Variants in DNAH8 observed in about 807,000 individuals in gnomAD.
DNAH8 encodes the protein axonemal beta dynein heavy chain 8.
In DNAH8, 382 loss-of-function variants were observed where a neutral mutation model predicts 562.1. The ratio of observed to expected loss-of-function variants is 0.68; its 90% confidence interval spans 0.63 to 0.74. The LOEUF (loss-of-function observed/expected upper bound fraction) is 0.74. Ranked by LOEUF, DNAH8 falls within the 30% of genes least tolerant of loss-of-function variation. DNAH8 has a pLI of 0.00. For missense variants in DNAH8, 5,203 were observed against 5,620.4 expected (o/e 0.93, Z 2.37); for synonymous variants, 1,881 against 1,919.4 (o/e 0.98, Z 0.52).
chr6:38,747,589 G>C (rs1245044368), intron 8 of DNAH8, among the ~76,000 whole-genome samples: 1 of 152,048 alleles, frequency 6.6e-6, no homozygotes, highest in Admixed American at 6.5e-5. Context: ...GTTTCACTAT[G>C]TTGGCCAAGC....
At chr6:38,997,781 A>G (rs565323203) in intron 88 of DNAH8, among the ~76,000 whole-genome samples, 3 of 152,112 alleles carry the variant, frequency 2.0e-5, no homozygotes, top group South Asian at 4.2e-4. Context: ...TTGTTTTGAG[A>G]TAGTCTTACC....
At position 38,715,424 on chromosome 6, in the gene DNAH8, T is replaced by C. The variant is rs1762193877; in HGVS notation, c.-35+9T>C. On this transcript the variant is annotated intron_variant, in intron 1 of 92. Coordinates refer to ENST00000327475, the MANE Select transcript of DNAH8 (RefSeq NM_001206927.2). ...GGCCCAGAGAGCGGCTGGTGAGTAC[T>C]TGGTCGGAGCGCGCTGTGAGCGCCC... 1 of 152,372 alleles carries C rather than the reference T, an allele frequency of 6.6e-6. No individual in the cohort carries two copies. The highest frequency in any genetic ancestry group is 1.5e-5 in the Non-Finnish European group (1 of 68,156). The allele number at this position is 152,372 out of a possible 1,614,324, so 9.4% of individuals were successfully genotyped here.
intron 53 of DNAH8, 98 bp from the exon 54 acceptor site, chr6:38,882,812 G>A (rs1047620259): frequency 4.0e-6 from 3 of 752,148 alleles, no homozygotes; most frequent in South Asian, 3.6e-5. Context: ...ATGTTTATAC[G>A]ATTCTATTGA....
At chr6:39,020,004 G>A (rs936877643) in intron 91 of DNAH8, among the ~76,000 whole-genome samples, 8 of 152,110 alleles carry the variant, frequency 5.3e-5, no homozygotes, top group African/African-American at 1.7e-4. Flanking sequence ...TCAACAGAGG[G>A]AACATTGGAA....
intron 11 of DNAH8, among the ~76,000 whole-genome samples, chr6:38,769,979 G>T (rs1346568127): frequency 6.6e-6 from 1 of 152,076 alleles, no homozygotes. Flanking sequence ...CAAATATTAG[G>T]ATTTCAGCAA....
At chr6:38,848,324 A>G (rs1228676065) in intron 36 of DNAH8, among the ~76,000 whole-genome samples, 5 of 152,116 alleles carry the variant, frequency 3.3e-5, no homozygotes, top group African/African-American at 9.7e-5. Context: ...CTTTTTGGAA[A>G]ACCATCTTAT....
rs190368831 is a variant in DNAH8, at chr6:38,797,580, T to C, written c.2902-5599T>C. 1.1e-4 allele frequency among the ~76,000 whole-genome samples: 17 copies of C among 152,260 alleles called. No homozygotes were observed. The East Asian group carries it at 2.9e-3, about 26-fold the overall frequency. On this transcript the variant is annotated intron_variant, in intron 21 of 92. Coordinates refer to ENST00000327475, the MANE Select transcript of DNAH8 (RefSeq NM_001206927.2). Reference sequence around the variant, plus strand: ...TTGTTTGTGACCAGCAGACCTTATCTATGCTTCCAATTCCAATTCCTTGTA... The same window carrying C: ...TTGTTTGTGACCAGCAGACCTTATCCATGCTTCCAATTCCAATTCCTTGTA...
In DNAH8 at chr6:38,875,735, G is replaced by T; in HGVS notation, c.7765G>T (p.Ala2589Ser). Residue 2589 changes from alanine to serine, a missense_variant, in exon 53 of 93, where the codon GCC becomes TCC. Physicochemically the swap from Ala to Ser is moderately conservative, Grantham distance 99. This residue lies in a region of DNAH8 where 977 missense variants were observed against 1,061.8 expected (regional missense o/e 0.92). Coordinates refer to ENST00000327475, the MANE Select transcript of DNAH8 (RefSeq NM_001206927.2). Reference sequence around the variant, plus strand: ...ATTAGAAAGCAGAGAAAAGCTTGAAGCCTTCTTACGGCAGCATGAAAGCAA... The same window carrying T: ...ATTAGAAAGCAGAGAAAAGCTTGAATCCTTCTTACGGCAGCATGAAAGCAA... ...LELESREKLE[A>S]FLRQHESKLD... is the part of the protein sequence containing the mutation. 2 of 1,613,978 alleles carry T rather than the reference G, an allele frequency of 1.2e-6. No homozygotes were observed. The highest frequency in any genetic ancestry group is 1.7e-6 in the Non-Finnish European group (2 of 1,179,936).
chr6:38,723,021 T>G lies in DNAH8; in HGVS notation c.212T>G (p.Ile71Arg), dbSNP rs775983133. Residue 71 changes from isoleucine (I) to arginine (R), a missense_variant, in exon 2 of 93, where the codon ATA (isoleucine) becomes AGA (arginine). By Grantham distance (97) the Ile-to-Arg change is moderately conservative. Coordinates refer to ENST00000327475, the MANE Select transcript of DNAH8 (RefSeq NM_001206927.2). Reference protein sequence around the residue: ...YRDLIPSEEGIVLPDDHEADL... With the variant: ...YRDLIPSEEGRVLPDDHEADL... ...GATCTCATTCCTTCTGAAGAAGGGA[T>G]AGTTCTTCCAGATGATCATGAAGCG... 6.2e-7 allele frequency: 1 copy of G among 1,612,918 alleles called. No homozygotes were observed. Among genetic ancestry groups the G allele is most frequent in the Non-Finnish European group, 8.5e-7 (1 of 1,179,900 alleles).
intron 82 of DNAH8, among the ~76,000 whole-genome samples, chr6:38,968,991 A>T (rs1763161099): frequency 6.6e-6 from 1 of 152,232 alleles, no homozygotes; most frequent in South Asian, 2.1e-4. Context: ...ATATGGATGA[A>T]CCTTGAAAGC....
At chr6:38,986,490 A>G (rs1017964162) in intron 87 of DNAH8, among the ~76,000 whole-genome samples, 1 of 152,228 alleles carries the variant, frequency 6.6e-6, no homozygotes, top group African/African-American at 2.4e-5. Flanking sequence ...ATGGGGAAAA[A>G]TTAAAATAAA....
chr6:39,020,012 G>A (rs1766808448), intron 91 of DNAH8, among the ~76,000 whole-genome samples: 1 of 152,160 alleles, frequency 6.6e-6, no homozygotes, highest in South Asian at 2.1e-4. Context: ...GGGAACATTG[G>A]AAAGGTTTGC....
intron 91 of DNAH8, among the ~76,000 whole-genome samples, chr6:39,017,012 T>C (rs1014890984): frequency 3.9e-5 from 6 of 152,228 alleles, no homozygotes; most frequent in Admixed American, 1.3e-4. Flanking sequence ...TCTGTAGCAA[T>C]TGATGAGCTC....
At chr6:38,862,841 G>A (rs893932514) in intron 44 of DNAH8, among the ~76,000 whole-genome samples, 2 of 152,196 alleles carry the variant, frequency 1.3e-5, no homozygotes, top group African/African-American at 4.8e-5. Context: ...GTGGCCATCA[G>A]CAGATGGAAA....
intron 28 of DNAH8, among the ~76,000 whole-genome samples, chr6:38,825,032 G>A (rs568841592): frequency 2.8e-4 from 42 of 152,296 alleles, no homozygotes; most frequent in African/African-American, 9.6e-4. Flanking sequence ...AATACAAAAA[G>A]CAACTGTAGT....
Position 38,932,183 on chromosome 6 carries a change from A to AACAC in DNAH8, c.11457+221_11457+224dup, listed in dbSNP as rs70981599. Reference sequence around the variant, plus strand: ...TAACTCATCTTCTCATCCAGCCTGAAACACACACACACACACACACACACA... The same window carrying AACAC: ...TAACTCATCTTCTCATCCAGCCTGAAACACACACACACACACACACACACACACA... On this transcript the variant is annotated intron_variant, in intron 76 of 92. Transcript: ENST00000327475. Among the ~76,000 whole-genome samples, 400 of 139,858 alleles carry AACAC rather than the reference A, an allele frequency of 2.9e-3. 3 individuals carry two copies. Among genetic ancestry groups the AACAC allele is most frequent in the African/African-American group, 8.6e-3 (321 of 37,490 alleles). The allele number at this position is 139,858 out of a possible 152,430, so 91.8% of individuals were successfully genotyped here.
At chr6:39,011,397 T>A (rs1766199095) in intron 89 of DNAH8, among the ~76,000 whole-genome samples, 1 of 152,220 alleles carries the variant, frequency 6.6e-6, no homozygotes, top group South Asian at 2.1e-4. Context: ...CCACTCCATG[T>A]GTCCCTTCCT....
chr6:38,795,242 T>C (rs2127663300), intron 21 of DNAH8, among the ~76,000 whole-genome samples: 1 of 152,326 alleles, frequency 6.6e-6, no homozygotes, highest in African/African-American at 2.4e-5. Flanking sequence ...ACTAAAACTC[T>C]CTACCAATTA....
chr6:39,011,922 T>G (rs1031853733), intron 89 of DNAH8, among the ~76,000 whole-genome samples: 2 of 152,164 alleles, frequency 1.3e-5, no homozygotes, highest in Admixed American at 6.5e-5. Context: ...TACTTAATCA[T>G]GTGAAAGGAG....
Sources: gnomAD v4.1 joint callset for allele counts (sites outside exome capture counted in the v4.1 genomes callset) on GRCh38, gnomAD v4.1.1 for gene constraint, gnomAD v4.1.1 regional missense constraint, MANE v1.5 for transcripts, NCBI Gene and HGNC (gene_info 2026-07-23, HGNC 2026-07-21) for gene names.